Variants in ZNF385A observed in about 807,000 individuals in gnomAD.
The protein encoded by ZNF385A is zinc finger protein 385A.
Under a neutral mutation model 32.1 loss-of-function variants are expected in ZNF385A, and 14 were observed. The ratio of observed to expected loss-of-function variants is 0.44; its 90% confidence interval spans 0.29 to 0.68. The LOEUF (loss-of-function observed/expected upper bound fraction) is 0.68. ZNF385A is among the 30% of genes least tolerant of loss of function. The pLI, the probability that ZNF385A is intolerant of heterozygous loss-of-function variation, is 0.14. For synonymous variants in ZNF385A, 197 were observed against 202.7 expected (o/e 0.97, Z 0.24); for missense variants, 406 against 478.4 (o/e 0.85, Z 1.41).
intron 1 of ZNF385A, among the ~76,000 whole-genome samples, chr12:54,376,684 C>T (rs1256305408): frequency 6.6e-6 from 1 of 152,174 alleles, no homozygotes; most frequent in African/African-American, 2.4e-5. Flanking sequence ...AGCTGTGGGG[C>T]TGGGCGGGAT....
intron 1 of ZNF385A, among the ~76,000 whole-genome samples, chr12:54,377,295 GAC>G (rs1467689839): frequency 1.3e-5 from 2 of 152,342 alleles, no homozygotes; most frequent in East Asian, 3.9e-4. Context: ...ACTGGGTTCA[GAC>G]AACTGGTCTG....
At chr12:54,380,990 G>T (rs1955134372) in intron 1 of ZNF385A, among the ~76,000 whole-genome samples, 1 of 152,050 alleles carries the variant, frequency 6.6e-6, no homozygotes, top group African/African-American at 2.4e-5. Flanking sequence ...AAGGTCAAGA[G>T]ATTGAGACCA....
chr12:54,380,736 T>C (rs925618798), intron 1 of ZNF385A, among the ~76,000 whole-genome samples: 1 of 152,168 alleles, frequency 6.6e-6, no homozygotes, highest in Non-Finnish European at 1.5e-5. Flanking sequence ...CTCTTTTAAA[T>C]AAAAACAATA....
intron 1 of ZNF385A, among the ~76,000 whole-genome samples, chr12:54,389,877 T>G (rs1384692445): frequency 6.6e-6 from 1 of 152,032 alleles, no homozygotes; most frequent in African/African-American, 2.4e-5. Flanking sequence ...ATTCATGCCT[T>G]CGTTCAGTCA....
chr12:54,371,990 C>T (rs958344728), intron 3 of ZNF385A, among the ~76,000 whole-genome samples: 8 of 152,206 alleles, frequency 5.3e-5, no homozygotes, highest in Non-Finnish European at 1.0e-4. Flanking sequence ...AGCTGGCAGC[C>T]AGCCCAGCCA....
rs1176501420 is a variant in ZNF385A at position 54,371,477 on chromosome 12, G to A, written c.600C>T (p.Asn200=). Residue 200 remains asparagine (N), a synonymous_variant, in exon 4 of 7, where the codon AAC becomes AAT. Transcript: ENST00000394313. ...VNSLSQLEAH[N]KGTKHKTILE... ...TGGGGGCAGGGGAGTCCATACCTTT[G>A]TTATGTGCCTCAAGCTGGGACAGGG... The A allele has an allele frequency of 3.7e-6, 6 of 1,606,906 alleles. No homozygotes were observed. In the South Asian group the frequency reaches 5.5e-5, roughly 15 times the overall value.
upstream of ZNF385A, among the ~76,000 whole-genome samples, chr12:54,389,610 G>T (rs759825047): frequency 2.6e-5 from 4 of 152,290 alleles, no homozygotes; most frequent in Non-Finnish European, 4.4e-5. Flanking sequence ...TCCTTTTCAG[G>T]GCCTGCTGAC....
chr12:54,379,301 A>ACAG, intron 1 of ZNF385A: 2 of 626,272 alleles, frequency 3.2e-6, no homozygotes, highest in Non-Finnish European at 4.0e-6. Flanking sequence ...AGGGACAGGG[A>ACAG]GCTGAAGAGG....
At chr12:54,385,782 T>G, upstream of ZNF385A, 2 of 409,268 alleles carry the variant, frequency 4.9e-6, no homozygotes, top group Non-Finnish European at 6.6e-6. Context: ...GCCCCCTCCC[T>G]TGCCAGCCCC....
At chr12:54,376,104 T>C in intron 1 of ZNF385A, 150 bp from the exon 2 acceptor site, 1 of 643,998 alleles carries the variant, frequency 1.6e-6, no homozygotes. Flanking sequence ...CTTCTGATTC[T>C]CTCTTAGCCC....
chr12:54,370,361 T>C lies in ZNF385A; in HGVS notation c.996A>G (p.Pro332=), dbSNP rs1382499007. 1 of 1,508,698 alleles carries C rather than the reference T, an allele frequency of 6.6e-7. No individual in the cohort carries two copies. Among genetic ancestry groups the C allele is most frequent in the Non-Finnish European group, 8.9e-7 (1 of 1,127,166 alleles). The allele number at this position is 1,508,698 out of a possible 1,614,324, so 93.5% of individuals were successfully genotyped here. The part of the protein sequence containing the change: ...AGSPLSLRPA[P]AAPLLQGPPI... ...GCGGTCCCTGGAGAAGAGGTGCGGCTGGAGCCGGGCGCAGGGACAGCGGCG... is the reference window on the plus strand; with the variant it reads ...GCGGTCCCTGGAGAAGAGGTGCGGCCGGAGCCGGGCGCAGGGACAGCGGCG... The change falls in exon 7 of 7, where the codon CCA becomes CCG. Residue 332 remains proline (P), a synonymous_variant. Coordinates refer to ENST00000394313, the MANE Select transcript of ZNF385A (RefSeq NM_015481.3). The surrounding 1 kb of genome is among the most constrained non-coding windows in gnomAD (Gnocchi z 5.5).
intron 4 of ZNF385A, among the ~76,000 whole-genome samples, 167 bp downstream of exon 4, chr12:54,371,306 G>A (rs999550430): frequency 5.3e-5 from 8 of 152,130 alleles, no homozygotes; most frequent in African/African-American, 1.9e-4. Context: ...GAGGAGCTGA[G>A]GAAGTAAAGG....
Position 54,384,555 on chromosome 12 carries a change from C to G in ZNF385A, c.-41G>C. On this transcript the variant is annotated 5_prime_UTR_variant, in exon 1 of 7. Coordinates refer to ENST00000394313, the MANE Select transcript of ZNF385A (RefSeq NM_015481.3). The stretch of plus-strand genomic sequence containing the variant: ...TAGCAGAGGCAGGGGCCCTGCCCGG[C>G]TCAGGCTGCCTGAAGGGCAGAGAAA... 6.8e-7 allele frequency: 1 copy of G among 1,474,616 alleles called. No homozygotes were observed. Among genetic ancestry groups the G allele is most frequent in the Non-Finnish European group, 9.0e-7 (1 of 1,113,218 alleles). 91.3% of individuals were successfully genotyped at this position (1,474,616 alleles called of 1,614,324 possible). A position where few individuals can be genotyped will look rare whatever the true frequency, so the allele number is the denominator to read the frequency against.
chr12:54,371,169 C>T (rs192149875), intron 4 of ZNF385A, 73 bp from the exon 5 acceptor site: 19 of 1,489,204 alleles, frequency 1.3e-5, no homozygotes, highest in Middle Eastern at 1.8e-4. Context: ...TCAGAATGCA[C>T]ATTCCCAGGT....
At position 54,371,104 on chromosome 12, in the gene ZNF385A, C is replaced by T; in HGVS notation, c.605-8G>A. 6.3e-7 allele frequency: 1 copy of T among 1,588,116 alleles called. No individual in the cohort carries two copies. The highest frequency in any genetic ancestry group is 8.6e-7 in the Non-Finnish European group (1 of 1,169,496). On this transcript the variant is annotated splice_region_variant and splice_polypyrimidine_tract_variant and intron_variant, in intron 4 of 6. Coordinates refer to ENST00000394313, the MANE Select transcript of ZNF385A (RefSeq NM_015481.3). Reference sequence around the variant, plus strand: ...TTGTCTTGTGCTTAGTACCTGGAGCCCAGAGAGGGCAGGAGGTAAGGGGTG... The same window carrying T: ...TTGTCTTGTGCTTAGTACCTGGAGCTCAGAGAGGGCAGGAGGTAAGGGGTG...
chr12:54,375,767 C>T (rs1954816811), intron 2 of ZNF385A, 77 bp downstream of exon 2: 1 of 1,267,940 alleles, frequency 7.9e-7, no homozygotes, highest in Non-Finnish European at 1.2e-6. Context: ...GTGTTCTCAC[C>T]CAGCCTCTGC....
chr12:54,384,377 A>G, intron 1 of ZNF385A, 51 bp downstream of exon 1: 4 of 1,527,576 alleles, frequency 2.6e-6, no homozygotes, highest in Non-Finnish European at 3.5e-6. Context: ...GGTCTGAGAG[A>G]GAAAGGTCGG....
rs1194462687 is a variant in ZNF385A, at chr12:54,384,504, G to C, written c.11C>G (p.Pro4Arg). Residue 4 changes from proline to arginine, a missense_variant, in exon 1 of 7, where the codon CCA becomes CGA. By Grantham distance (103) the Pro-to-Arg change is moderately radical. Transcript: ENST00000394313. ...GGGCAGGATCTGCTTGAGGTCCAGT[G>C]GGGGCTGCATGATCGGGGGCTGCCG... MQP[P>R]LDLKQILPFP... 1 of 1,562,896 alleles carries C rather than the reference G, an allele frequency of 6.4e-7. No individual in the cohort carries two copies. The highest frequency in any genetic ancestry group is 1.4e-5 in the African/African-American group (1 of 72,598).
intron 1 of ZNF385A, among the ~76,000 whole-genome samples, 154 bp from the exon 2 acceptor site, chr12:54,376,108 T>C (rs1310378226): frequency 6.6e-6 from 1 of 152,150 alleles, no homozygotes; most frequent in Non-Finnish European, 1.5e-5. Flanking sequence ...TGATTCTCTC[T>C]TAGCCCAATC....
Sources: allele counts gnomAD v4.1 joint callset (sites outside exome capture counted in the v4.1 genomes callset), GRCh38; gene constraint gnomAD v4.1.1; non-coding constraint Gnocchi (gnomAD v3.1); transcripts MANE v1.5; gene names NCBI Gene and HGNC (gene_info 2026-07-23, HGNC 2026-07-21).